MED14: variants seen among roughly 807,000 people sequenced by gnomAD.
The protein encoded by MED14 is mediator complex subunit 14, also known as mediator of RNA polymerase II transcription subunit 14.
MED14 carries 8 observed loss-of-function variants against 109.0 expected under a neutral mutation model. The ratio of observed to expected loss-of-function variants is 0.07; its 90% CI spans 0.04 to 0.13. MED14 has a LOEUF of 0.13. Among genes scored for constraint, MED14 ranks in the 10% least tolerant of loss-of-function variants. The probability of loss-of-function intolerance (pLI) is 1.00; values close to 1 mark genes in which losing one functional copy is unlikely to be tolerated. For missense variants in MED14, 711 were observed against 1,142.4 expected, an observed-to-expected ratio of 0.62 and a Z score of 5.44; for synonymous variants, 399 against 408.7, an observed-to-expected ratio of 0.98 and a Z score of 0.29.
rs1424435514 is a variant in MED14, at chrX:40,703,499, C to T, written c.1356G>A (p.Leu452=). The T allele has an allele frequency of 8.4e-7, 1 of 1,194,296 alleles. No individual in the cohort carries two copies. Among genetic ancestry groups the T allele is most frequent in the South Asian group, 1.8e-5 (1 of 56,101 alleles). Residue 452 remains leucine (L), a synonymous_variant, in exon 11 of 31, where the codon CTG becomes CTA. Coordinates refer to ENST00000324817, the MANE Select transcript of MED14 (RefSeq NM_004229.4). The part of the protein sequence containing the change: ...ILEPCGNSEC[L]HIFVDLHSGM... ...CAGAATGTAAATCTACAAAAATGTG[C>T]AGACACTCTGAATTACCACAGGGCT...
At chrX:40,667,619 A>T (rs1929548405) in intron 23 of MED14, among the ~76,000 whole-genome samples, 1 of 112,148 alleles carries the variant, frequency 8.9e-6, no homozygotes, top group Admixed American at 9.4e-5. Flanking sequence ...GTTTACCCTG[A>T]ATGAGTGGGA....
chrX:40,705,141 T>C (rs1602479495), intron 10 of MED14, among the ~76,000 whole-genome samples: 1 of 112,363 alleles, frequency 8.9e-6, no homozygotes, highest in East Asian at 2.8e-4. Flanking sequence ...TTCAGACCAA[T>C]GTGACAAATT....
chrX:40,696,036 G>A (rs1930711363), intron 13 of MED14, among the ~76,000 whole-genome samples: 1 of 110,016 alleles, frequency 9.1e-6, no homozygotes, highest in Admixed American at 9.7e-5. Flanking sequence ...GCCTCCCAAA[G>A]TGTTAGTTTT....
At chrX:40,700,962 G>A (rs1930915027) in intron 12 of MED14, among the ~76,000 whole-genome samples, 1 of 111,601 alleles carries the variant, frequency 9.0e-6, no homozygotes, top group Admixed American at 9.5e-5. Flanking sequence ...ACCTATATTT[G>A]CTCTAGAGGA....
intron 10 of MED14, among the ~76,000 whole-genome samples, chrX:40,708,621 A>G (rs1272380532): frequency 1.8e-5 from 2 of 111,994 alleles, no homozygotes; most frequent in Non-Finnish European, 3.8e-5. Flanking sequence ...GCCAAAAACA[A>G]TTGGGGCAGG....
In MED14 at chrX:40,651,548, A is replaced by T. The variant is rs1300879059; in HGVS notation, c.*258T>A. 2.3e-6 allele frequency: 2 copies of T among 880,430 alleles called. No individual in the cohort carries two copies. The highest frequency in any genetic ancestry group is 4.2e-5 in the African/African-American group (2 of 47,512). The allele number at this position is 880,430 out of a possible 1,213,427, so 72.6% of individuals were successfully genotyped here. On this transcript the variant is annotated 3_prime_UTR_variant, in exon 31 of 31. Coordinates refer to ENST00000324817, the MANE Select transcript of MED14 (RefSeq NM_004229.4). ...CTTTATAGTATAAAACAGAATATTA[A>T]ATTTATTACTGGCAAACGGACACTG...
At chrX:40,662,214 T>A in intron 26 of MED14, among the ~76,000 whole-genome samples, 1 of 110,722 alleles carries the variant, frequency 9.0e-6, no homozygotes, top group Non-Finnish European at 1.9e-5. Flanking sequence ...CATAAATAAT[T>A]TTCTTCAAAT....
intron 21 of MED14, among the ~76,000 whole-genome samples, chrX:40,677,405 C>T (rs1363598716): frequency 1.8e-5 from 2 of 110,985 alleles, no homozygotes; most frequent in East Asian, 2.8e-4. Context: ...AGTTAAGAAT[C>T]GCTTAACATT....
At chrX:40,692,462 C>T (rs772161464) in intron 14 of MED14, 145 bp from the exon 15 acceptor site, 1 of 515,978 alleles carries the variant, frequency 1.9e-6, no homozygotes, top group Non-Finnish European at 3.1e-6. Context: ...AAATACTGAC[C>T]TAAACACTGG....
chrX:40,650,172 G>A lies in MED14; in HGVS notation c.*1634C>T, dbSNP rs1928811007. On this transcript the variant is annotated 3_prime_UTR_variant, in exon 31 of 31. Coordinates refer to ENST00000324817, the MANE Select transcript of MED14 (RefSeq NM_004229.4). The stretch of plus-strand genomic sequence containing the variant: ...ACCACTGTAAGAACTAAAAACAGAA[G>A]GATAAAAAGATTAAGTTAAAGGAAG... The A allele has an allele frequency of 1.3e-6, 1 of 751,835 alleles. No individual in the cohort carries two copies. Among genetic ancestry groups the A allele is most frequent in the Non-Finnish European group, 1.6e-6 (1 of 638,247 alleles). 62.0% of individuals were successfully genotyped at this position (751,835 alleles called of 1,213,427 possible).
chrX:40,668,200 T>C (rs1024285997), intron 23 of MED14, among the ~76,000 whole-genome samples: 3 of 110,409 alleles, frequency 2.7e-5, no homozygotes, highest in African/African-American at 6.6e-5. Context: ...CTGGCCAACA[T>C]GGCAAAACCC....
chrX:40,682,981 C>G lies in MED14; in HGVS notation c.2073G>C (p.Lys691Asn), dbSNP rs1930176834. Residue 691 changes from lysine (K) to asparagine (N), a missense_variant, in exon 17 of 31, where the codon AAG becomes AAC. Lys to Asn is a moderately conservative substitution (Grantham distance 94, BLOSUM62 0). Coordinates refer to ENST00000324817, the MANE Select transcript of MED14 (RefSeq NM_004229.4). ...AIRLLKIPPC[K>N]GITEETQKAL... ...CCTTTTGGGTTTCCTCAGTTATACC[C>G]TTACAGGGAGGAATTCTGGTGATAA... The G allele has an allele frequency of 3.3e-6, 4 of 1,204,025 alleles. No homozygotes were observed. Among genetic ancestry groups the G allele is most frequent in the Non-Finnish European group, 2.2e-6 (2 of 892,323 alleles).
intron 26 of MED14, 119 bp from the exon 27 acceptor site, chrX:40,659,726 T>A: frequency 1.6e-6 from 1 of 629,016 alleles, no homozygotes; most frequent in Non-Finnish European, 2.3e-6. Context: ...CAAAGGCACC[T>A]ACAGCATTGA....
chrX:40,729,140 T>C (rs1275517890), intron 2 of MED14, among the ~76,000 whole-genome samples, 179 bp downstream of exon 2: 1 of 111,646 alleles, frequency 9.0e-6, no homozygotes, highest in East Asian at 2.8e-4. Context: ...CAACAAGTAT[T>C]GTTAAGGGTG....
intron 19 of MED14, among the ~76,000 whole-genome samples, chrX:40,681,397 T>TA (rs991613212): frequency 9.0e-6 from 1 of 110,691 alleles, no homozygotes; most frequent in Admixed American, 9.6e-5. Context: ...TCTAGGACTT[T>TA]ACATATGAGG....
At position 40,735,469 on chromosome X, in the gene MED14, G is replaced by A. The variant is rs1399692702; in HGVS notation, c.-57C>T. On this transcript the variant is annotated 5_prime_UTR_variant, in exon 1 of 31. Coordinates refer to ENST00000324817, the MANE Select transcript of MED14 (RefSeq NM_004229.4). ...ACACGATGCGGTCCTCGAGCCTCCC[G>A]GGCGCTCGGTCACCGCGCCGAAACG... is the stretch of plus-strand genomic sequence containing the variant. The A allele has an allele frequency of 3.8e-6, 4 of 1,059,151 alleles. No individual in the cohort carries two copies. Among genetic ancestry groups the A allele is most frequent in the Non-Finnish European group, 5.1e-6 (4 of 785,972 alleles). The allele number at this position is 1,059,151 out of a possible 1,213,427, so 87.3% of individuals were successfully genotyped here.
chrX:40,675,486 A>G, intron 21 of MED14, 125 bp from the exon 22 acceptor site: 1 of 431,849 alleles, frequency 2.3e-6, no homozygotes, highest in Non-Finnish European at 3.5e-6. Context: ...TTACTAGGAC[A>G]ACCTAGAAGA....
At chrX:40,677,876 C>T (rs765902156) in intron 21 of MED14, among the ~76,000 whole-genome samples, 4 of 111,868 alleles carry the variant, frequency 3.6e-5, no homozygotes, top group Non-Finnish European at 7.5e-5. Context: ...ACAGTGTGAA[C>T]TCATTACACA....
chrX:40,720,024 T>C (rs1931658956), intron 3 of MED14, among the ~76,000 whole-genome samples: 1 of 111,834 alleles, frequency 8.9e-6, no homozygotes, highest in Non-Finnish European at 1.9e-5. Context: ...TGCTGAAACA[T>C]GAACAATCCC....
Sources: allele counts gnomAD v4.1 joint callset (sites outside exome capture counted in the v4.1 genomes callset), GRCh38; gene constraint gnomAD v4.1.1; transcripts MANE v1.5; gene names NCBI Gene and HGNC (gene_info 2026-07-23, HGNC 2026-07-21).